The following IQCH variants were observed in gnomAD, a reference collection of about 807,000 sequenced individuals.
IQCH encodes the protein IQ motif containing H.
Under a neutral mutation model 117.0 loss-of-function variants are expected in IQCH, and 98 were observed. That is an observed-to-expected ratio of 0.84 (90% CI 0.71 to 0.99). The LOEUF (loss-of-function observed/expected upper bound fraction) is 0.99, where lower values mean the gene tolerates loss of function less well. Ranked by LOEUF, IQCH falls within the 50% of genes least tolerant of loss-of-function variation. The pLI is 0.00. For synonymous variants in IQCH, 412 were observed against 448.2 expected (o/e 0.92, Z 1.02); for missense variants, 1,102 against 1,243.8 (o/e 0.89, Z 1.72).
At chr15:67,478,455 C>A (rs1209282871) in intron 18 of IQCH, among the ~76,000 whole-genome samples, 2 of 151,712 alleles carry the variant, frequency 1.3e-5, no homozygotes, top group Non-Finnish European at 2.9e-5. Context: ...CACCTCCAGG[C>A]CATCCATGCA....
In IQCH at chr15:67,395,139, C is replaced by A; in HGVS notation, c.1633-152C>A. The stretch of plus-strand genomic sequence containing the variant: ...GAGCGATTATGGAACCTCACCCCAA[C>A]AGCTTTTATCAATTTAAACTGCTAA... On this transcript the variant is annotated intron_variant, in intron 12 of 20. Transcript: ENST00000335894. This position sits in a 1 kb window ranked among gnomAD's most constrained non-coding sequence, Gnocchi z 4.0. 1 of 817,660 alleles carries A rather than the reference C, an allele frequency of 1.2e-6. No individual in the cohort carries two copies. Among genetic ancestry groups the A allele is most frequent in the South Asian group, 1.8e-5 (1 of 55,510 alleles). 50.7% of individuals were successfully genotyped at this position (817,660 alleles called of 1,614,324 possible).
chr15:67,324,374 G>A (rs1354678761), intron 4 of IQCH, among the ~76,000 whole-genome samples: 1 of 151,464 alleles, frequency 6.6e-6, no homozygotes, highest in Non-Finnish European at 1.5e-5. Flanking sequence ...CACTTTGGGA[G>A]GCCAAGGCGG....
In IQCH at chr15:67,457,234, T is replaced by G. The variant is rs1262026111; in HGVS notation, c.2506-7893T>G. On this transcript the variant is annotated intron_variant, in intron 16 of 20. Coordinates refer to ENST00000335894, the MANE Select transcript of IQCH (RefSeq NM_001031715.3). The surrounding 1 kb of genome is among the most constrained non-coding windows in gnomAD (Gnocchi z 5.7). ...ACTCTTACCAAATACCATAATCACA[T>G]TAGTATTTTACTAATTGAAAATTCT... Among the ~76,000 whole-genome samples, 1 of 152,208 alleles carries G rather than the reference T, an allele frequency of 6.6e-6. No individual in the cohort carries two copies. Among genetic ancestry groups the G allele is most frequent in the Non-Finnish European group, 1.5e-5 (1 of 68,034 alleles).
intron 3 of IQCH, among the ~76,000 whole-genome samples, chr15:67,265,560 A>T (rs1199592363): frequency 1.3e-5 from 2 of 152,192 alleles, no homozygotes; most frequent in Non-Finnish European, 2.9e-5. Context: ...GACAAGGTTA[A>T]ACGAAAAAAC....
chr15:67,255,026 A>G (rs1965081332), intron 1 of IQCH, 79 bp downstream of exon 1: 2 of 1,393,992 alleles, frequency 1.4e-6, no homozygotes, highest in South Asian at 1.2e-5. Flanking sequence ...CGATTCACCG[A>G]CGCTCACCCA....
chr15:67,446,605 C>T (rs992720421), intron 16 of IQCH, among the ~76,000 whole-genome samples: 6 of 152,088 alleles, frequency 3.9e-5, no homozygotes, highest in African/African-American at 7.2e-5. Flanking sequence ...ACAGGTCAGC[C>T]GGGATGTAGA....
At chr15:67,315,817 T>C (rs8026506) in intron 4 of IQCH, among the ~76,000 whole-genome samples, 2,862 of 152,266 alleles carry the variant, frequency 0.019, 112 homozygotes, top group African/African-American at 0.065. Context: ...TCTGTTTTTC[T>C]AGTTTAACAC....
chr15:67,373,321 C>G (rs1393862201), intron 9 of IQCH, 46 bp from the exon 10 acceptor site: 1 of 1,292,874 alleles, frequency 7.7e-7, no homozygotes. Flanking sequence ...CTAGATGAAT[C>G]CACTACAGCT....
chr15:67,448,445 A>G (rs2082440857), intron 16 of IQCH, among the ~76,000 whole-genome samples: 1 of 139,860 alleles, frequency 7.2e-6, no homozygotes, highest in East Asian at 2.2e-4. Context: ...TCATTGTTCA[A>G]TTCCCACCTA....
chr15:67,482,740 G>A (rs570208662), intron 18 of IQCH, among the ~76,000 whole-genome samples: 40 of 152,128 alleles, frequency 2.6e-4, no homozygotes, highest in African/African-American at 9.2e-4. Flanking sequence ...GGATAAACAC[G>A]AACAAAAAGA....
At chr15:67,277,598 A>G (rs557631436) in intron 3 of IQCH, among the ~76,000 whole-genome samples, 116 of 148,886 alleles carry the variant, frequency 7.8e-4, no homozygotes, top group African/African-American at 2.6e-3. Flanking sequence ...CAGTGGCGCA[A>G]TCTCGGCTCA....
intron 18 of IQCH, among the ~76,000 whole-genome samples, chr15:67,477,337 G>A (rs947180542): frequency 6.6e-6 from 1 of 151,974 alleles, no homozygotes; most frequent in Non-Finnish European, 1.5e-5. Context: ...ATGAGCCACC[G>A]CGCCCAGCCC....
At chr15:67,489,121 C>A (rs2141085997) in intron 18 of IQCH, among the ~76,000 whole-genome samples, 1 of 151,806 alleles carries the variant, frequency 6.6e-6, no homozygotes, top group African/African-American at 2.4e-5. Flanking sequence ...GCAAGCTCCG[C>A]CTCCCAGGTT....
chr15:67,368,172 T>A (rs1001010571), intron 8 of IQCH, among the ~76,000 whole-genome samples: 1 of 152,208 alleles, frequency 6.6e-6, no homozygotes, highest in Admixed American at 6.5e-5. Context: ...GAACCCAGGT[T>A]AGCTGGACTT....
At chr15:67,325,592 TG>T (rs1293056376) in intron 4 of IQCH, among the ~76,000 whole-genome samples, 1 of 152,128 alleles carries the variant, frequency 6.6e-6, no homozygotes, top group African/African-American at 2.4e-5. Context: ...GTTTGCTAAG[TG>T]TCTGCAAGTA....
chr15:67,299,372 G>A (rs937009820), intron 4 of IQCH, among the ~76,000 whole-genome samples: 1 of 151,940 alleles, frequency 6.6e-6, no homozygotes, highest in South Asian at 2.1e-4. Flanking sequence ...ACAAGGTGAC[G>A]CTGGCTGGTC....
At chr15:67,326,282 A>G (rs1007098445) in intron 4 of IQCH, among the ~76,000 whole-genome samples, 1 of 152,178 alleles carries the variant, frequency 6.6e-6, no homozygotes, top group African/African-American at 2.4e-5. Context: ...CCATGTCCCT[A>G]CAAAGGACAT....
In IQCH at chr15:67,501,476, A is replaced by AT. The variant is rs1251705190; in HGVS notation, c.*736dup. On this transcript the variant is annotated 3_prime_UTR_variant, in exon 21 of 21. Transcript: ENST00000335894. The surrounding 1 kb of genome is among the most constrained non-coding windows in gnomAD (Gnocchi z 5.2). ...GTTCTCCATTTAATACAGCAGTAGG[A>AT]TTTTTTCAAGTTTAGTTCAACATTA... 6.6e-6 allele frequency: 1 copy of AT among 152,154 alleles called. No individual in the cohort carries two copies. Among genetic ancestry groups the AT allele is most frequent in the Non-Finnish European group, 1.5e-5 (1 of 68,024 alleles). The allele number at this position is 152,154 out of a possible 1,614,324, so 9.4% of individuals were successfully genotyped here.
intron 5 of IQCH, 87 bp downstream of exon 5, chr15:67,337,182 G>A: frequency 6.8e-7 from 1 of 1,464,880 alleles, no homozygotes; most frequent in Middle Eastern, 1.8e-4. Context: ...TTTGGACTCT[G>A]GCTCAGCCAC....
Sources: allele counts gnomAD v4.1 joint callset (sites outside exome capture counted in the v4.1 genomes callset), GRCh38; gene constraint gnomAD v4.1.1; non-coding constraint Gnocchi (gnomAD v3.1); transcripts MANE v1.5; gene names NCBI Gene and HGNC (gene_info 2026-07-23, HGNC 2026-07-21).